The following GABRB3 variants were observed in gnomAD, a reference collection of about 807,000 sequenced individuals.
The protein encoded by GABRB3 is gamma-aminobutyric acid type A receptor subunit beta3, also known as gamma-aminobutyric acid receptor subunit beta-3.
In GABRB3, 14 loss-of-function variants were observed where a neutral mutation model predicts 52.1. The observed-to-expected ratio is 0.27, with a 90% CI of 0.18 to 0.42. GABRB3 has a LOEUF of 0.42. Among genes scored for constraint, GABRB3 ranks in the 10% least tolerant of loss-of-function variants. The pLI, the probability that GABRB3 is intolerant of heterozygous loss-of-function variation, is 1.00. For missense variants in GABRB3, 307 were observed against 609.1 expected, an observed-to-expected ratio of 0.50 and a Z score of 5.22; for synonymous variants, 260 against 232.3, an observed-to-expected ratio of 1.12 and a Z score of -1.08.
chr15:26,675,849 A>C (rs1336327436), intron 3 of GABRB3, among the ~76,000 whole-genome samples: 6 of 152,216 alleles, frequency 3.9e-5, no homozygotes, highest in Non-Finnish European at 8.8e-5. Context: ...AAAACTGAAC[A>C]GATACCGAAG....
At position 26,547,410 on chromosome 15, in the gene GABRB3, T is replaced by A; in HGVS notation, c.*383A>T. 4.6e-6 allele frequency: 2 copies of A among 436,200 alleles called. No homozygotes were observed. The highest frequency in any genetic ancestry group is 4.0e-6 in the Non-Finnish European group (1 of 247,724). 27.0% of individuals were successfully genotyped at this position (436,200 alleles called of 1,614,324 possible). ...TACAAGACACATTTGGGGATGATAT[T>A]GTGTTTCACGCCCTCATTCTCAAGG... On this transcript the variant is annotated 3_prime_UTR_variant, in exon 9 of 9. Coordinates refer to ENST00000311550, the MANE Select transcript of GABRB3 (RefSeq NM_000814.6).
Position 26,753,082 on chromosome 15 carries a change from C to A in GABRB3, c.240+19320G>T, listed in dbSNP as rs117083404. Among the ~76,000 whole-genome samples the A allele has an allele frequency of 9.5e-3, 1,443 of 152,286 alleles. 8 individuals are homozygous for A. Among genetic ancestry groups the A allele is most frequent in the South Asian group, 0.05 (241 of 4,828 alleles). ...TGCAGGCTCTGATACCTCTTGAGAA[C>A]CTCAGAACTCCCTAACTTCTGAGCT... is the stretch of plus-strand genomic sequence containing the variant. On this transcript the variant is annotated intron_variant, in intron 3 of 8. Coordinates refer to ENST00000311550, the MANE Select transcript of GABRB3 (RefSeq NM_000814.6).
At chr15:26,586,155 C>G (rs577620873) in intron 4 of GABRB3, among the ~76,000 whole-genome samples, 2 of 151,914 alleles carry the variant, frequency 1.3e-5, no homozygotes, top group East Asian at 3.9e-4. Flanking sequence ...CCTGCCACCA[C>G]GCCCAGCTAA....
intron 3 of GABRB3, among the ~76,000 whole-genome samples, chr15:26,700,946 T>A (rs1419529205): frequency 2.0e-5 from 3 of 152,072 alleles, no homozygotes; most frequent in Admixed American, 6.5e-5. Flanking sequence ...TCCCAGCTAC[T>A]TGGGAGGCTG....
chr15:26,754,212 C>G (rs1409082719), intron 3 of GABRB3, among the ~76,000 whole-genome samples: 1 of 152,024 alleles, frequency 6.6e-6, no homozygotes, highest in Non-Finnish European at 1.5e-5. Flanking sequence ...TCTGAAAGAG[C>G]AGAAGGAAGA....
intron 3 of GABRB3, among the ~76,000 whole-genome samples, chr15:26,704,739 C>T (rs1889043957): frequency 6.6e-6 from 1 of 152,186 alleles, no homozygotes; most frequent in African/African-American, 2.4e-5. Context: ...GTATATAATT[C>T]TTAGCTGCCT....
intron 3 of GABRB3, among the ~76,000 whole-genome samples, chr15:26,730,290 C>T (rs12899137): frequency 0.32 from 48,581 of 151,570 alleles, 8,079 homozygotes; most frequent in Non-Finnish European, 0.36. Flanking sequence ...TGGTAGCGGG[C>T]GCCTGTAGTC....
chr15:26,583,505 GGAACCCTGCCCAAAGTAC>G, intron 4 of GABRB3, 91 bp from the exon 5 acceptor site: 1 of 1,015,854 alleles, frequency 9.8e-7, no homozygotes, highest in South Asian at 1.3e-5. Flanking sequence ...AGCCCCTGTG[GGAACCCTGCCCAAAGTAC>G]GCCTGGCTAA....
Position 26,580,466 on chromosome 15 carries a change from G to A in GABRB3, c.545-10C>T, listed in dbSNP as rs1312455736. The A allele has an allele frequency of 6.2e-7, 1 of 1,614,194 alleles. No individual in the cohort carries two copies. Reference sequence around the variant, plus strand: ...TCCGTGGTGTAGCCATCTGCCAAGAGAGAAGCAGGGAGACAGCAAACATCA... The same window carrying A: ...TCCGTGGTGTAGCCATCTGCCAAGAAAGAAGCAGGGAGACAGCAAACATCA... On this transcript the variant is annotated splice_polypyrimidine_tract_variant and intron_variant, in intron 5 of 8. Coordinates refer to ENST00000311550, the MANE Select transcript of GABRB3 (RefSeq NM_000814.6).
intron 3 of GABRB3, among the ~76,000 whole-genome samples, chr15:26,670,529 C>A (rs1887865193): frequency 6.6e-6 from 1 of 152,158 alleles, no homozygotes; most frequent in Non-Finnish European, 1.5e-5. Context: ...CAGGCCCGTG[C>A]CGACCGCAGC....
At chr15:26,622,684 C>T (rs1033733208) in intron 3 of GABRB3, among the ~76,000 whole-genome samples, 1 of 152,160 alleles carries the variant, frequency 6.6e-6, no homozygotes, top group Non-Finnish European at 1.5e-5. Context: ...ATTCTTTTTG[C>T]TTCTTGCAGG....
chr15:26,650,306 C>T (rs1281772416), intron 3 of GABRB3, among the ~76,000 whole-genome samples: 1 of 152,120 alleles, frequency 6.6e-6, no homozygotes, highest in Non-Finnish European at 1.5e-5. Context: ...GGCCTCACCC[C>T]AGCCCCATGC....
intron 3 of GABRB3, among the ~76,000 whole-genome samples, chr15:26,697,924 T>C (rs1252032242): frequency 1.3e-5 from 2 of 152,202 alleles, no homozygotes; most frequent in East Asian, 1.9e-4. Flanking sequence ...ATACTTTTAT[T>C]TTTCCGTTGA....
rs112279557 is a variant in GABRB3 at position 26,675,697 on chromosome 15, G to A, written c.241-54163C>T. On this transcript the variant is annotated intron_variant, in intron 3 of 8. Transcript: ENST00000311550. ...AAGAGCAGAATGTGTTTATGTTGGAGGTGGGGGGAGGTCAGTCAATAGCAA... is the reference window on the plus strand; with the variant it reads ...AAGAGCAGAATGTGTTTATGTTGGAAGTGGGGGGAGGTCAGTCAATAGCAA... 1.7e-3 allele frequency among the ~76,000 whole-genome samples: 260 copies of A among 152,226 alleles called. 1 individual carries two copies. Among genetic ancestry groups the A allele is most frequent in the African/African-American group, 5.8e-3 (241 of 41,530 alleles).
At chr15:26,673,521 A>G (rs1595522615) in intron 3 of GABRB3, among the ~76,000 whole-genome samples, 1 of 152,276 alleles carries the variant, frequency 6.6e-6, no homozygotes, top group Middle Eastern at 3.4e-3. Flanking sequence ...TAGAATGGTA[A>G]CCTCAAAATC....
chr15:26,648,341 T>C (rs933128306), intron 3 of GABRB3, among the ~76,000 whole-genome samples: 1 of 152,192 alleles, frequency 6.6e-6, no homozygotes, highest in Non-Finnish European at 1.5e-5. Context: ...GGCTCAACAA[T>C]AATTTATTTT....
Position 26,623,456 on chromosome 15 carries a change from G to A in GABRB3, c.241-1922C>T, listed in dbSNP as rs886073222. On this transcript the variant is annotated intron_variant, in intron 3 of 8. Coordinates refer to ENST00000311550, the MANE Select transcript of GABRB3 (RefSeq NM_000814.6). ...GCCCCTTCCAGGGCTGGCTAATTCC[G>A]AGAGACGGCTAGCAACTCTCCTAGG... Among the ~76,000 whole-genome samples the A allele has an allele frequency of 6.6e-5, 9 of 136,414 alleles. 1 individual carries two copies. In the South Asian group the frequency reaches 1.1e-3, roughly 16 times the overall value. The allele number at this position is 136,414 out of a possible 152,430, so 89.5% of individuals were successfully genotyped here.
intron 3 of GABRB3, among the ~76,000 whole-genome samples, chr15:26,717,959 T>C (rs1412362360): frequency 6.6e-6 from 1 of 152,218 alleles, no homozygotes; most frequent in African/African-American, 2.4e-5. Context: ...CTTCTGCAAG[T>C]ACTTCCACAA....
chr15:26,568,827 CT>C (rs1219450398), intron 6 of GABRB3, among the ~76,000 whole-genome samples: 1 of 151,994 alleles, frequency 6.6e-6, no homozygotes, highest in Non-Finnish European at 1.5e-5. Flanking sequence ...TTTTGCTTTT[CT>C]TAGAGCAAGG....
Sources: gnomAD v4.1 joint callset for allele counts (sites outside exome capture counted in the v4.1 genomes callset) on GRCh38, gnomAD v4.1.1 for gene constraint, MANE v1.5 for transcripts, NCBI Gene and HGNC (gene_info 2026-07-23, HGNC 2026-07-21) for gene names.